Variants in SETD5 observed in about 807,000 individuals in gnomAD.
SETD5 encodes SET domain containing 5, also known as histone-lysine N-methyltransferase SETD5.
In SETD5, 44 loss-of-function variants were observed where a neutral mutation model predicts 153.3. The ratio of observed to expected loss-of-function variants is 0.29; its 90% CI spans 0.23 to 0.37. The LOEUF is 0.37. Ranked by LOEUF, SETD5 falls within the 10% of genes least tolerant of loss-of-function variation. SETD5 has a pLI of 1.00. For synonymous variants in SETD5, 716 were observed against 645.2 expected, an observed-to-expected ratio of 1.11 and a Z score of -1.66; for missense variants, 1,544 against 1,768.0, an observed-to-expected ratio of 0.87 and a Z score of 2.27.
rs201331854 is a variant in SETD5 at position 9,445,126 on chromosome 3, A to G, written c.1266A>G (p.Glu422=). ...PIQKRNPNAT[E]LPLLPPPPSL... is the part of the protein sequence containing the mutation. ...AAAAAAGGAATCCTAATGCTACAGAACTGCCACTCCTACCACCTCCTCCAA... is the reference window on the plus strand; with the variant it reads ...AAAAAAGGAATCCTAATGCTACAGAGCTGCCACTCCTACCACCTCCTCCAA... The change falls in exon 12 of 23, where the codon GAA becomes GAG. Residue 422 remains glutamate (E), a synonymous_variant. Transcript: ENST00000402198. The G allele has an allele frequency of 6.2e-7, 1 of 1,614,002 alleles. No individual in the cohort carries two copies. Among genetic ancestry groups the G allele is most frequent in the South Asian group, 1.1e-5 (1 of 91,082 alleles).
chr3:9,463,992 G>A (rs1471011780), intron 17 of SETD5, among the ~76,000 whole-genome samples: 1 of 152,190 alleles, frequency 6.6e-6, no homozygotes, highest in Non-Finnish European at 1.5e-5. Context: ...GCCAGGTGTA[G>A]TGGTGCATGC....
intron 1 of SETD5, chr3:9,398,454 C>G (rs1471405232): frequency 6.6e-6 from 1 of 151,946 alleles, no homozygotes; most frequent in Non-Finnish European, 1.5e-5. Context: ...CCTCCGTAAT[C>G]TTCCTGGACG....
chr3:9,446,078 G>T (rs899393284), intron 13 of SETD5, among the ~76,000 whole-genome samples: 2 of 150,378 alleles, frequency 1.3e-5, no homozygotes, highest in East Asian at 2.0e-4. Flanking sequence ...ACGAGGTCAG[G>T]AGATCGAGAC....
At chr3:9,435,630 A>G (rs940174663) in intron 6 of SETD5, 98 bp from the exon 7 acceptor site, 3 of 1,117,014 alleles carry the variant, frequency 2.7e-6, no homozygotes, top group Non-Finnish European at 3.7e-6. Flanking sequence ...AGTGGAAGTA[A>G]TGGCTTACTG....
Position 9,430,460 on chromosome 3 carries a change from A to G in SETD5, c.71+1451A>G, listed in dbSNP as rs537047932. 1.5e-4 allele frequency: 84 copies of G among 559,364 alleles called. 1 individual carries two copies. The East Asian group carries it at 8.8e-3, about 58-fold the overall frequency. The allele number at this position is 559,364 out of a possible 1,614,324, so 34.7% of individuals were successfully genotyped here. A position where few individuals can be genotyped will look rare whatever the true frequency, so the allele number is the denominator to read the frequency against. The stretch of plus-strand genomic sequence containing the variant: ...TTTTTGTTTGTTTTGTTTTGTTTGC[A>G]TGCAAAAGGTATTTAGTTATGTCAG... On this transcript the variant is annotated intron_variant, in intron 3 of 22. Coordinates refer to ENST00000402198, the MANE Select transcript of SETD5 (RefSeq NM_001080517.3).
Position 9,410,315 on chromosome 3 carries a change from T to C in SETD5, c.-177+12338T>C, listed in dbSNP as rs181150129. Among the ~76,000 whole-genome samples the C allele has an allele frequency of 9.3e-3, 1,415 of 152,238 alleles. 19 individuals are homozygous for C. The highest frequency in any genetic ancestry group is 0.013 in the Non-Finnish European group (898 of 68,006). On this transcript the variant is annotated intron_variant, in intron 1 of 22. Coordinates refer to ENST00000402198, the MANE Select transcript of SETD5 (RefSeq NM_001080517.3). ...CCTTTGTAGGGCAGCTCCATTACAG[T>C]CTTATGGGATCATTATCATATGTGG...
chr3:9,448,690 C>G (rs1000509174), intron 16 of SETD5, 60 bp downstream of exon 16: 28 of 1,397,976 alleles, frequency 2.0e-5, no homozygotes, highest in South Asian at 7.7e-5. Flanking sequence ...TTTTTTTAAG[C>G]CTAAGATTCC....
At chr3:9,426,661 G>A (rs1039326991) in intron 2 of SETD5, among the ~76,000 whole-genome samples, 1 of 152,068 alleles carries the variant, frequency 6.6e-6, no homozygotes, top group Non-Finnish European at 1.5e-5. Context: ...CCAAAATGCT[G>A]GGATTACAGG....
intron 7 of SETD5, among the ~76,000 whole-genome samples, chr3:9,439,128 T>C (rs1435574171): frequency 6.6e-6 from 1 of 152,240 alleles, no homozygotes; most frequent in African/African-American, 2.4e-5. Context: ...CCCCCTAGTC[T>C]GTAAGCTCCA....
At chr3:9,450,096 T>TAA (rs371801426) in intron 16 of SETD5, among the ~76,000 whole-genome samples, 9 of 152,334 alleles carry the variant, frequency 5.9e-5, no homozygotes, top group Non-Finnish European at 1.3e-4. Context: ...AGCAGAGACT[T>TAA]AACGAAAACC....
Position 9,474,623 on chromosome 3 carries a change from CATG to C in SETD5, c.3631+43_3631+45del, listed in dbSNP as rs1344097692. 3.1e-6 allele frequency: 5 copies of C among 1,609,062 alleles called. No individual in the cohort carries two copies. In the African/African-American group the frequency reaches 6.7e-5, roughly 22 times the overall value. ...TCTGCTGCCACCACATTCAGGGACA[CATG>C]AGCCGAGTCCTGTACAGTTCATGCC... is the stretch of plus-strand genomic sequence containing the variant. On this transcript the variant is annotated intron_variant, in intron 21 of 22. Coordinates refer to ENST00000402198, the MANE Select transcript of SETD5 (RefSeq NM_001080517.3).
chr3:9,431,036 GCCTATTTCGC>G, intron 3 of SETD5: 1 of 985,298 alleles, frequency 1.0e-6, no homozygotes, highest in Non-Finnish European at 1.2e-6. Context: ...GTTTCATCAT[GCCTATTTCGC>G]TGTTCTGGGC....
chr3:9,418,636 C>G (rs976050556), intron 1 of SETD5, among the ~76,000 whole-genome samples: 2 of 151,840 alleles, frequency 1.3e-5, no homozygotes, highest in Non-Finnish European at 2.9e-5. Flanking sequence ...AACCCCGTCT[C>G]TACTAAAAAT....
intron 2 of SETD5, 86 bp downstream of exon 2, chr3:9,424,612 ATTATAAT>A (rs1183479751): frequency 1.3e-5 from 2 of 152,160 alleles, no homozygotes; most frequent in Non-Finnish European, 2.9e-5. Context: ...GTAAATTGTG[ATTATAAT>A]TTACTTAGCA....
intron 13 of SETD5, among the ~76,000 whole-genome samples, chr3:9,446,110 A>C (rs1436426795): frequency 1.3e-5 from 2 of 150,384 alleles, no homozygotes; most frequent in Admixed American, 1.3e-4. Context: ...ACACGGTGAA[A>C]CCTTGTCTCT....
chr3:9,419,436 T>G (rs2038047321), intron 1 of SETD5, among the ~76,000 whole-genome samples: 1 of 152,134 alleles, frequency 6.6e-6, no homozygotes, highest in African/African-American at 2.4e-5. Flanking sequence ...CATGGCAGTA[T>G]GCGTCTGTGG....
intron 1 of SETD5, among the ~76,000 whole-genome samples, chr3:9,412,505 C>G (rs527455907): frequency 6.0e-5 from 9 of 148,982 alleles, no homozygotes; most frequent in Non-Finnish European, 1.0e-4. Flanking sequence ...TGGGCTCAAG[C>G]AGTCCTCCCA....
At chr3:9,464,174 G>T (rs1575570397) in intron 17 of SETD5, among the ~76,000 whole-genome samples, 1 of 152,232 alleles carries the variant, frequency 6.6e-6, no homozygotes, top group South Asian at 2.1e-4. Flanking sequence ...TTTTGCACTG[G>T]TAGAAATTAA....
chr3:9,475,145 T>G lies in SETD5; in HGVS notation c.3709T>G (p.Tyr1237Asp). The stretch of plus-strand genomic sequence containing the variant: ...AGCAACAGTTTACAGCCCTTCCAGA[T>G]ACAGCTACCAGGTGAGATGAGAAAT... Reference protein sequence around the residue: ...KGATVYSPSRYSYQLLQCDSP... With the variant: ...KGATVYSPSRDSYQLLQCDSP... Residue 1237 changes from tyrosine (Y) to aspartate (D), a missense_variant, in exon 22 of 23, where the codon TAC becomes GAC. Tyr to Asp is a radical substitution (Grantham distance 160, BLOSUM62 -3). This residue lies in a region of SETD5 where 302 missense variants were observed against 277.6 expected (regional missense o/e 1.09). Transcript: ENST00000402198. The G allele has an allele frequency of 6.3e-7, 1 of 1,582,476 alleles. No individual in the cohort carries two copies. Among genetic ancestry groups the G allele is most frequent in the Non-Finnish European group, 8.6e-7 (1 of 1,164,318 alleles).
Sources: allele counts gnomAD v4.1 joint callset (sites outside exome capture counted in the v4.1 genomes callset), GRCh38; gene constraint gnomAD v4.1.1; regional missense constraint gnomAD v4.1.1; transcripts MANE v1.5; gene names NCBI Gene and HGNC (gene_info 2026-07-23, HGNC 2026-07-21).